Variants in VEPH1 observed in about 807,000 individuals in gnomAD.
The protein encoded by VEPH1 is ventricular zone-expressed PH domain-containing protein homolog 1.
VEPH1 carries 80 observed loss-of-function variants against 85.2 expected under a neutral mutation model. The ratio of observed to expected loss-of-function variants is 0.94; its 90% CI spans 0.78 to 1.13. The LOEUF (loss-of-function observed/expected upper bound fraction) is 1.13, where lower values mean the gene tolerates loss of function less well. Ranked by LOEUF, VEPH1 falls within the 50% of genes most tolerant of loss-of-function variation. The pLI, the probability that VEPH1 is intolerant of heterozygous loss-of-function variation, is 0.00. For missense variants in VEPH1, 955 were observed against 980.5 expected (o/e 0.97, Z 0.35); for synonymous variants, 297 against 348.0 (o/e 0.85, Z 1.63).
Position 157,460,342 on chromosome 3 carries a change from G to A in VEPH1, c.368C>T (p.Pro123Leu). ...GGGGATGGCTAATGCCATCACTGGG[G>A]GTCGGTTGTAATTCTGAGGAAATAT... is the stretch of plus-strand genomic sequence containing the variant. ...MSCILQNYNRPPVMALAIPIA... is the reference protein window; with the variant it reads ...MSCILQNYNRLPVMALAIPIA... Residue 123 changes from proline to leucine, a missense_variant, in exon 4 of 14, where the codon CCC becomes CTC. Transcript: ENST00000362010. 2 of 1,612,130 alleles carry A rather than the reference G, an allele frequency of 1.2e-6. No individual in the cohort carries two copies. The highest frequency in any genetic ancestry group is 1.7e-6 in the Non-Finnish European group (2 of 1,178,586).
chr3:157,456,992 C>T (rs1410424770), intron 4 of VEPH1, among the ~76,000 whole-genome samples: 1 of 151,952 alleles, frequency 6.6e-6, no homozygotes, highest in Non-Finnish European at 1.5e-5. Flanking sequence ...ATATTGTTTC[C>T]TCCTATCCAT....
chr3:157,378,330 A>G (rs1285714538), intron 7 of VEPH1, among the ~76,000 whole-genome samples: 2 of 50,852 alleles, frequency 3.9e-5, no homozygotes, highest in Non-Finnish European at 5.5e-5. Flanking sequence ...ATATATATAT[A>G]TATATATATA....
intron 11 of VEPH1, among the ~76,000 whole-genome samples, chr3:157,301,115 C>T (rs1291716781): frequency 4.6e-5 from 7 of 152,176 alleles, no homozygotes; most frequent in South Asian, 2.1e-4. Flanking sequence ...AAAATTCTCC[C>T]GGTGTTATCT....
At chr3:157,278,930 C>T (rs576513449) in intron 12 of VEPH1, among the ~76,000 whole-genome samples, 1 of 152,220 alleles carries the variant, frequency 6.6e-6, no homozygotes, top group African/African-American at 2.4e-5. Context: ...TGCTTGTAAT[C>T]TCAGCTACTC....
At chr3:157,481,068 T>C (rs1737992572) in intron 2 of VEPH1, among the ~76,000 whole-genome samples, 1 of 152,162 alleles carries the variant, frequency 6.6e-6, no homozygotes, top group Admixed American at 6.5e-5. Context: ...GAGCATTTTT[T>C]CATGTTTGTC....
intron 4 of VEPH1, among the ~76,000 whole-genome samples, chr3:157,458,712 G>A (rs1345521500): frequency 1.3e-5 from 2 of 152,188 alleles, no homozygotes; most frequent in African/African-American, 4.8e-5. Context: ...CTATTGTCAA[G>A]AAGGGTATTT....
intron 13 of VEPH1, among the ~76,000 whole-genome samples, chr3:157,262,520 G>A (rs1358480809): frequency 1.3e-5 from 2 of 151,298 alleles, no homozygotes; most frequent in African/African-American, 4.9e-5. Flanking sequence ...CTGTGATAGA[G>A]GTAGAACAGA....
chr3:157,441,890 T>C (rs1734150640), intron 4 of VEPH1, among the ~76,000 whole-genome samples: 1 of 152,104 alleles, frequency 6.6e-6, no homozygotes, highest in South Asian at 2.1e-4. Context: ...AAAGGCTAAA[T>C]GGAGCGAACT....
At chr3:157,337,674 T>G (rs1481376013) in intron 9 of VEPH1, among the ~76,000 whole-genome samples, 1 of 152,166 alleles carries the variant, frequency 6.6e-6, no homozygotes, top group East Asian at 1.9e-4. Flanking sequence ...ATACCTTCAC[T>G]AGAATTTTTT....
chr3:157,316,333 T>C (rs1016799870), intron 10 of VEPH1, among the ~76,000 whole-genome samples: 6 of 151,940 alleles, frequency 3.9e-5, no homozygotes, highest in Non-Finnish European at 8.8e-5. Flanking sequence ...CTGCATAAAA[T>C]AATGCATTTT....
intron 3 of VEPH1, among the ~76,000 whole-genome samples, chr3:157,467,744 G>C (rs1322834457): frequency 1.3e-5 from 2 of 152,162 alleles, no homozygotes; most frequent in Non-Finnish European, 2.9e-5. Flanking sequence ...GGCCCTACAT[G>C]CTAGACTTAC....
chr3:157,290,029 TACACAAACACAC>T (rs751161036), intron 11 of VEPH1, among the ~76,000 whole-genome samples: 43 of 114,974 alleles, frequency 3.7e-4, no homozygotes, highest in East Asian at 1.7e-3. Flanking sequence ...GTTGTTATTA[TACACAAACACAC>T]ACACACACAC....
chr3:157,393,497 C>A (rs1419300569), intron 6 of VEPH1, among the ~76,000 whole-genome samples: 1 of 152,012 alleles, frequency 6.6e-6, no homozygotes, highest in African/African-American at 2.4e-5. Context: ...CCAGAAATAT[C>A]AATGAATTTA....
Position 157,395,079 on chromosome 3 carries a change from G to A in VEPH1, c.907-13703C>T, listed in dbSNP as rs144917499. On this transcript the variant is annotated intron_variant, in intron 6 of 13. Transcript: ENST00000362010. ...GGGGAGCATGGTAAGACCAGTGAAC[G>A]CCATGATCACGAATGCATTGCCGCA... 5.2e-3 allele frequency among the ~76,000 whole-genome samples: 796 copies of A among 152,248 alleles called. 7 individuals carry two copies. Among genetic ancestry groups the A allele is most frequent in the African/African-American group, 0.016 (667 of 41,562 alleles).
intron 9 of VEPH1, among the ~76,000 whole-genome samples, chr3:157,355,190 T>C (rs781119122): frequency 2.0e-5 from 3 of 152,258 alleles, no homozygotes; most frequent in Non-Finnish European, 4.4e-5. Flanking sequence ...GTTCCTTTTC[T>C]GCAGATAAAT....
At chr3:157,372,445 C>G (rs1484384136) in intron 7 of VEPH1, among the ~76,000 whole-genome samples, 2 of 152,150 alleles carry the variant, frequency 1.3e-5, no homozygotes, top group East Asian at 1.9e-4. Flanking sequence ...TAATGAAAAG[C>G]CTATCTTTTG....
intron 9 of VEPH1, among the ~76,000 whole-genome samples, chr3:157,327,415 T>C (rs1168321897): frequency 1.3e-5 from 2 of 152,188 alleles, no homozygotes; most frequent in African/African-American, 4.8e-5. Context: ...TGGTTGCTCT[T>C]GATCAGCTCT....
Position 157,346,517 on chromosome 3 carries a change from T to C in VEPH1, c.1735+16847A>G, listed in dbSNP as rs942975495. Among the ~76,000 whole-genome samples, 98 of 152,348 alleles carry C rather than the reference T, an allele frequency of 6.4e-4. 1 individual carries two copies. The highest frequency in any genetic ancestry group is 1.4e-3 in the Admixed American group (22 of 15,300). On this transcript the variant is annotated intron_variant, in intron 9 of 13. Coordinates refer to ENST00000362010, the MANE Select transcript of VEPH1 (RefSeq NM_001167912.2). ...GAATTTTAATTTATATTAAACATAT[T>C]CCTAGATAATACTTTCACTGACCAG...
intron 6 of VEPH1, among the ~76,000 whole-genome samples, chr3:157,387,395 C>G (rs1441874974): frequency 6.6e-6 from 1 of 152,082 alleles, no homozygotes; most frequent in Non-Finnish European, 1.5e-5. Flanking sequence ...TCACAATGAC[C>G]TTGCAAAATG....
Sources: allele counts gnomAD v4.1 joint callset (sites outside exome capture counted in the v4.1 genomes callset), GRCh38; gene constraint gnomAD v4.1.1; transcripts MANE v1.5; gene names NCBI Gene and HGNC (gene_info 2026-07-23, HGNC 2026-07-21).